The following FGF12 variants were observed in gnomAD, a reference collection of about 807,000 sequenced individuals.
FGF12 encodes fibroblast growth factor 12B.
In FGF12, 14 loss-of-function variants were observed where a neutral mutation model predicts 23.6. That is an observed-to-expected ratio of 0.59 (90% CI 0.39 to 0.93). The LOEUF is 0.93. FGF12 is among the 40% of genes least tolerant of loss of function. The pLI, the probability that FGF12 is intolerant of heterozygous loss-of-function variation, is 0.00. For synonymous variants in FGF12, 62 were observed against 77.3 expected, an observed-to-expected ratio of 0.80 and a Z score of 1.04; for missense variants, 175 against 217.8, an observed-to-expected ratio of 0.80 and a Z score of 1.24.
At chr3:192,512,046 C>A (rs1299616064) in intron 2 of FGF12, among the ~76,000 whole-genome samples, 1 of 152,108 alleles carries the variant, frequency 6.6e-6, no homozygotes, top group Non-Finnish European at 1.5e-5. Flanking sequence ...TTAGGAGAAT[C>A]TCTTAACCTA....
chr3:192,189,435 T>G (rs1716661607), intron 4 of FGF12, among the ~76,000 whole-genome samples: 1 of 152,188 alleles, frequency 6.6e-6, no homozygotes, highest in Non-Finnish European at 1.5e-5. Flanking sequence ...TCTCCTCTCT[T>G]TGCCGTCTGT....
intron 2 of FGF12, among the ~76,000 whole-genome samples, chr3:192,602,128 T>C (rs1032172538): frequency 6.6e-6 from 1 of 152,128 alleles, no homozygotes; most frequent in Non-Finnish European, 1.5e-5. Flanking sequence ...TCAATGTAGG[T>C]TCACCAATTC....
chr3:192,406,595 A>AGTATATAATAATAGAG (rs1720967219), intron 2 of FGF12, among the ~76,000 whole-genome samples: 1 of 152,212 alleles, frequency 6.6e-6, no homozygotes, highest in African/African-American at 2.4e-5. Flanking sequence ...TACTAATTGG[A>AGTATATAATAATAGAG]CATAAAATAA....
intron 2 of FGF12, among the ~76,000 whole-genome samples, chr3:192,480,988 T>C (rs1723464480): frequency 6.6e-6 from 1 of 152,208 alleles, no homozygotes; most frequent in Non-Finnish European, 1.5e-5. Context: ...AGACATAACA[T>C]GAAGGCAGGG....
At chr3:192,490,161 T>G (rs1210253393) in intron 2 of FGF12, among the ~76,000 whole-genome samples, 3 of 152,028 alleles carry the variant, frequency 2.0e-5, no homozygotes, top group Admixed American at 2.0e-4. Flanking sequence ...TAAAGAAAAG[T>G]CTCACCTTGT....
chr3:192,187,958 G>A (rs1716568366), intron 4 of FGF12, among the ~76,000 whole-genome samples: 1 of 152,118 alleles, frequency 6.6e-6, no homozygotes, highest in Admixed American at 6.6e-5. Flanking sequence ...TAGGAAATGA[G>A]AACGGAAAGA....
chr3:192,643,770 G>A (rs1363865964), intron 2 of FGF12, among the ~76,000 whole-genome samples: 1 of 152,076 alleles, frequency 6.6e-6, no homozygotes, highest in Non-Finnish European at 1.5e-5. Flanking sequence ...TTAAACCACA[G>A]AAAAGACTAT....
chr3:192,316,564 C>G (rs968482311), intron 4 of FGF12, among the ~76,000 whole-genome samples: 2 of 152,168 alleles, frequency 1.3e-5, no homozygotes, highest in Non-Finnish European at 2.9e-5. Flanking sequence ...TAGGGGGCAC[C>G]TAGACCAGCC....
At chr3:192,154,603 G>A (rs896458654) in intron 5 of FGF12, among the ~76,000 whole-genome samples, 14 of 151,378 alleles carry the variant, frequency 9.2e-5, no homozygotes, top group African/African-American at 2.7e-4. Flanking sequence ...CCTGCTGGGC[G>A]GTGCCTCCCA....
At chr3:192,150,963 C>T (rs1193471683) in intron 5 of FGF12, among the ~76,000 whole-genome samples, 1 of 145,792 alleles carries the variant, frequency 6.9e-6, no homozygotes, top group Non-Finnish European at 1.5e-5. Flanking sequence ...GAATGTTCTT[C>T]CATTTGTTTG....
intron 2 of FGF12, among the ~76,000 whole-genome samples, chr3:192,381,521 G>T (rs1044923084): frequency 6.6e-6 from 1 of 152,026 alleles, no homozygotes; most frequent in Non-Finnish European, 1.5e-5. Flanking sequence ...AATAAATAAT[G>T]CCACAATCAG....
At chr3:192,603,639 C>A (rs552147892) in intron 2 of FGF12, among the ~76,000 whole-genome samples, 1 of 152,022 alleles carries the variant, frequency 6.6e-6, no homozygotes, top group African/African-American at 2.4e-5. Context: ...AGCCTCAAAA[C>A]CAGCAGGTTT....
intron 5 of FGF12, among the ~76,000 whole-genome samples, chr3:192,145,746 G>A (rs1713659852): frequency 6.6e-6 from 1 of 152,186 alleles, no homozygotes; most frequent in African/African-American, 2.4e-5. Context: ...AAGTAACAGA[G>A]TATACAGAGG....
intron 2 of FGF12, among the ~76,000 whole-genome samples, chr3:192,636,148 A>G (rs897981973): frequency 2.6e-5 from 4 of 152,218 alleles, no homozygotes; most frequent in African/African-American, 9.7e-5. Flanking sequence ...CTCAAATACA[A>G]TCATGTAATG....
chr3:192,167,759 ATATATATAT>A (rs1715279325), intron 5 of FGF12, among the ~76,000 whole-genome samples: 3 of 35,454 alleles, frequency 8.5e-5, no homozygotes, highest in Non-Finnish European at 1.1e-4. Flanking sequence ...ATATATATAT[ATATATATAT>A]AAAATTTTTT....
intron 5 of FGF12, 128 bp downstream of exon 5, chr3:192,170,330 A>ATATCTTTTGAATC (rs1223064696): frequency 5.6e-6 from 4 of 708,262 alleles, no homozygotes; most frequent in Non-Finnish European, 9.6e-6. Flanking sequence ...TTCTCTGAAT[A>ATATCTTTTGAATC]TTTCTTTTGA....
At chr3:192,305,572 C>T (rs968733759) in intron 4 of FGF12, among the ~76,000 whole-genome samples, 6 of 146,242 alleles carry the variant, frequency 4.1e-5, no homozygotes, top group African/African-American at 1.5e-4. Context: ...CAGTGAAACA[C>T]AAATGAAGAA....
At chr3:192,580,805 G>A (rs1713101191) in intron 2 of FGF12, among the ~76,000 whole-genome samples, 1 of 152,052 alleles carries the variant, frequency 6.6e-6, no homozygotes, top group South Asian at 2.1e-4. Context: ...CACCATGTTG[G>A]CCAGGCTGGT....
chr3:192,332,475 A>G (rs1717174505), intron 4 of FGF12, among the ~76,000 whole-genome samples: 2 of 152,116 alleles, frequency 1.3e-5, no homozygotes, highest in African/African-American at 2.4e-5. Context: ...ATACATCAAT[A>G]ATCTCATCAA....
Sources: allele counts gnomAD v4.1 joint callset (sites outside exome capture counted in the v4.1 genomes callset), GRCh38; gene constraint gnomAD v4.1.1; transcripts MANE v1.5; gene names NCBI Gene and HGNC (gene_info 2026-07-23, HGNC 2026-07-21).